Variants in LSR observed in about 807,000 individuals in gnomAD.
The protein encoded by LSR is lipolysis stimulated lipoprotein receptor, also known as lipolysis-stimulated lipoprotein receptor.
LSR carries 44 observed loss-of-function variants against 61.8 expected under a neutral mutation model. The ratio of observed to expected loss-of-function variants is 0.71; its 90% CI spans 0.56 to 0.91. The LOEUF (loss-of-function observed/expected upper bound fraction) is 0.91. Among genes scored for constraint, LSR ranks in the 40% least tolerant of loss-of-function variants. The pLI, the probability that LSR is intolerant of heterozygous loss-of-function variation, is 0.00. For synonymous variants in LSR, 397 were observed against 350.6 expected, an observed-to-expected ratio of 1.13 and a Z score of -1.48; for missense variants, 911 against 830.5, an observed-to-expected ratio of 1.10 and a Z score of -1.19.
chr19:35,249,800 G>A (rs935270981), intron 1 of LSR, among the ~76,000 whole-genome samples: 1 of 152,154 alleles, frequency 6.6e-6, no homozygotes, highest in Admixed American at 6.5e-5. Flanking sequence ...GAGGTGGTGG[G>A]AGGCTGATGG....
chr19:35,250,911 T>C (rs2065785982), intron 2 of LSR, among the ~76,000 whole-genome samples: 1 of 151,304 alleles, frequency 6.6e-6, no homozygotes, highest in Admixed American at 6.6e-5. Flanking sequence ...TTCTCTTGCC[T>C]CAGCCTCCCG....
chr19:35,259,644 A>C (rs530824978), intron 3 of LSR, among the ~76,000 whole-genome samples: 2 of 152,180 alleles, frequency 1.3e-5, no homozygotes, highest in East Asian at 3.9e-4. Flanking sequence ...TCCAAAAAAA[A>C]AAAAAATCCA....
intron 3 of LSR, among the ~76,000 whole-genome samples, chr19:35,260,206 G>A (rs1406000980): frequency 1.3e-5 from 2 of 151,872 alleles, no homozygotes; most frequent in African/African-American, 2.4e-5. Context: ...CATTATCGAG[G>A]GTCTCCAAGA....
chr19:35,266,687 C>G lies in LSR; in HGVS notation c.961C>G (p.Gln321Glu), dbSNP rs1307711555. ...CAGCCACTCTCCCCCAGCTGGTGGC[C>G]AAGGCTCCTATGTACCCCTGCTTCG... Reference protein sequence around the residue: ...DVDRSSSAGGQGSYVPLLRDT... With the variant: ...DVDRSSSAGGEGSYVPLLRDT... The change falls in exon 7 of 10, where the codon CAA becomes GAA. Residue 321 changes from glutamine to glutamate, a missense_variant. Gln to Glu is a conservative substitution (Grantham distance 29). Transcript: ENST00000605618. 1 of 1,608,674 alleles carries G rather than the reference C, an allele frequency of 6.2e-7. No homozygotes were observed. Among genetic ancestry groups the G allele is most frequent in the Admixed American group, 1.7e-5 (1 of 59,086 alleles).
intron 2 of LSR, among the ~76,000 whole-genome samples, chr19:35,256,315 T>A (rs992973090): frequency 4.6e-5 from 7 of 152,154 alleles, no homozygotes; most frequent in African/African-American, 1.7e-4. Flanking sequence ...ATAGTTTAAA[T>A]GACAATAAAG....
At chr19:35,258,035 C>T (rs1439238511) in intron 2 of LSR, among the ~76,000 whole-genome samples, 2 of 152,100 alleles carry the variant, frequency 1.3e-5, no homozygotes, top group Non-Finnish European at 2.9e-5. Flanking sequence ...AGAATCTGGC[C>T]TGTTTATCTC....
chr19:35,266,319 C>T, intron 5 of LSR, 40 bp from the exon 6 acceptor site: 1 of 1,522,112 alleles, frequency 6.6e-7, no homozygotes, highest in Non-Finnish European at 8.9e-7. Context: ...AGCCTGGCTC[C>T]TGCCTCATCC....
chr19:35,259,367 C>T (rs1273037003), intron 3 of LSR: 2 of 248,334 alleles, frequency 8.1e-6, no homozygotes, highest in Non-Finnish European at 1.6e-5. Flanking sequence ...GGTCCGGGTG[C>T]GGTAGTTCAT....
rs562655532 is a variant in LSR, at chr19:35,261,863, G to A, written c.575-62G>A. 63 of 1,213,596 alleles carry A rather than the reference G, an allele frequency of 5.2e-5. No homozygotes were observed. In the African/African-American group the frequency reaches 7.9e-4, roughly 15 times the overall value. 75.2% of individuals were successfully genotyped at this position (1,213,596 alleles called of 1,614,324 possible). A position where few individuals can be genotyped will look rare whatever the true frequency, so the allele number is the denominator to read the frequency against. On this transcript the variant is annotated intron_variant, in intron 3 of 9. Coordinates refer to ENST00000605618, the MANE Select transcript of LSR (RefSeq NM_205834.4). ...TTGGCCAGCCTGGAGCTGGGCTTTC[G>A]GGGGTGGCACAGCCTGGGCTGGCTC... is the stretch of plus-strand genomic sequence containing the variant.
rs1214555465 is a variant in LSR, at chr19:35,258,945, A to G, written c.455A>G (p.Asn152Ser). 1.9e-6 allele frequency: 3 copies of G among 1,613,662 alleles called. No individual in the cohort carries two copies. The highest frequency in any genetic ancestry group is 2.5e-6 in the Non-Finnish European group (3 of 1,179,906). ...YQGRRITITG[N>S]ADLTFDQTAW... ...CTCACGCCTTTTCATCCCGACTCAG[A>G]TGCTGACCTGACCTTTGACCAGACG... is the stretch of plus-strand genomic sequence containing the variant. Residue 152 changes from asparagine (N) to serine (S), a missense_variant and splice_region_variant, in exon 3 of 10, where the codon AAT becomes AGT. Physicochemically the swap from Asn to Ser is conservative, Grantham distance 46 (BLOSUM62 1). Coordinates refer to ENST00000605618, the MANE Select transcript of LSR (RefSeq NM_205834.4).
intron 5 of LSR, among the ~76,000 whole-genome samples, chr19:35,265,105 A>G (rs1252518602): frequency 3.9e-5 from 6 of 152,134 alleles, no homozygotes; most frequent in Admixed American, 3.9e-4. Flanking sequence ...TTCCCTGAAA[A>G]AATTCCACTG....
intron 3 of LSR, among the ~76,000 whole-genome samples, chr19:35,261,061 A>G (rs2065922222): frequency 1.3e-5 from 2 of 152,222 alleles, no homozygotes; most frequent in African/African-American, 4.8e-5. Flanking sequence ...TATAGTGCCA[A>G]GTGCATGAGC....
intron 5 of LSR, chr19:35,264,449 G>T (rs879417877): frequency 6.6e-6 from 1 of 152,246 alleles, no homozygotes; most frequent in East Asian, 1.9e-4. Context: ...ACAGCCATCA[G>T]CCTTGGGACA....
chr19:35,263,656 C>T (rs2065960030), intron 5 of LSR, among the ~76,000 whole-genome samples: 1 of 152,152 alleles, frequency 6.6e-6, no homozygotes, highest in African/African-American at 2.4e-5. Context: ...TGCCACCATG[C>T]TGGCCAATTT....
In LSR at chr19:35,267,140, C is replaced by T. The variant is rs772030685; in HGVS notation, c.1176C>T (p.Asp392=). Residue 392 remains aspartate, a synonymous_variant, in exon 9 of 10, where the codon GAC becomes GAT. Coordinates refer to ENST00000605618, the MANE Select transcript of LSR (RefSeq NM_205834.4). ...AMSEVTSLHE[D]DWRSRPSRGP... is the part of the protein sequence containing the mutation. ...GTGAAGTCACCTCCCTCCACGAGGA[C>T]GACTGGCGATCTCGGCCTTCCCGGG... 2.0e-6 allele frequency: 3 copies of T among 1,529,316 alleles called. No homozygotes were observed. In the South Asian group the frequency reaches 3.9e-5, roughly 20 times the overall value. 94.7% of individuals were successfully genotyped at this position (1,529,316 alleles called of 1,614,324 possible). A position where few individuals can be genotyped will look rare whatever the true frequency, so the allele number is the denominator to read the frequency against.
chr19:35,267,335 C>G lies in LSR; in HGVS notation c.1371C>G (p.Thr457=), dbSNP rs769775600. 29 of 1,570,688 alleles carry G rather than the reference C, an allele frequency of 1.8e-5. No individual in the cohort carries two copies. Among genetic ancestry groups the G allele is most frequent in the Non-Finnish European group, 2.5e-5 (29 of 1,158,556 alleles). Residue 457 remains threonine, a synonymous_variant, in exon 9 of 10, where the codon ACC becomes ACG. Transcript: ENST00000605618. ...DALDDLTPPS[T]AESGSRSPTS... ...TGGACGACCTCACCCCGCCGAGCAC[C>G]GCCGAGTCAGGGAGCAGGTCTCCCA...
chr19:35,250,061 G>A (rs1053193721), intron 1 of LSR, among the ~76,000 whole-genome samples: 2 of 152,152 alleles, frequency 1.3e-5, no homozygotes, highest in Non-Finnish European at 2.9e-5. Flanking sequence ...GCCACAGGCT[G>A]GGAAGAGGGA....
chr19:35,251,186 G>A (rs1328283705), intron 2 of LSR, among the ~76,000 whole-genome samples: 1 of 152,134 alleles, frequency 6.6e-6, no homozygotes, highest in Non-Finnish European at 1.5e-5. Context: ...ACCAGGTGCT[G>A]TTCTGGGCCC....
At chr19:35,252,113 C>T (rs373132982) in intron 2 of LSR, among the ~76,000 whole-genome samples, 7 of 151,830 alleles carry the variant, frequency 4.6e-5, no homozygotes, top group South Asian at 2.1e-4. Flanking sequence ...GGATTACAGG[C>T]GTGAGCCACC....
Sources: gnomAD v4.1 joint callset for allele counts (sites outside exome capture counted in the v4.1 genomes callset) on GRCh38, gnomAD v4.1.1 for gene constraint, MANE v1.5 for transcripts, NCBI Gene and HGNC (gene_info 2026-07-23, HGNC 2026-07-21) for gene names.